POFUT3: variants seen among roughly 807,000 people sequenced by gnomAD.
POFUT3 encodes the protein protein O-fucosyltransferase 3.
chr8:33,335,899 G>T, the POFUT3 span, among the ~76,000 whole-genome samples: 1 of 152,098 alleles, frequency 6.6e-6, no homozygotes, highest in East Asian at 1.9e-4. Context: ...GAATAAGAGG[G>T]GTTGGTCTTG....
chr8:33,394,077 C>T, the POFUT3 span: 1 of 155,492 alleles, frequency 6.4e-6, no homozygotes, highest in South Asian at 1.8e-4. Flanking sequence ...CCCAGATATT[C>T]AGGAGGCTGA....
the POFUT3 span, among the ~76,000 whole-genome samples, chr8:33,328,712 T>C: frequency 6.6e-6 from 1 of 152,182 alleles, no homozygotes; most frequent in Non-Finnish European, 1.5e-5. Context: ...TATTAGCTGG[T>C]GAGTCTTGTG....
At chr8:33,367,975 G>A in the POFUT3 span, among the ~76,000 whole-genome samples, 1 of 152,084 alleles carries the variant, frequency 6.6e-6, no homozygotes, top group Admixed American at 6.6e-5. Flanking sequence ...TGGTAAGCTG[G>A]GTTGGATGAT....
the POFUT3 span, among the ~76,000 whole-genome samples, chr8:33,390,225 C>CACACACAT: frequency 1.3e-5 from 2 of 151,658 alleles, no homozygotes; most frequent in African/African-American, 4.9e-5. Context: ...CACACACACA[C>CACACACAT]ATGAAGCATG....
At chr8:33,351,011 T>C in the POFUT3 span, among the ~76,000 whole-genome samples, 1 of 152,248 alleles carries the variant, frequency 6.6e-6, no homozygotes, top group Non-Finnish European at 1.5e-5. Context: ...AGTCTCACTC[T>C]GTTGCCCAGG....
the POFUT3 span, among the ~76,000 whole-genome samples, chr8:33,319,402 G>C: frequency 7.8e-4 from 20 of 25,780 alleles, no homozygotes; most frequent in East Asian, 9.8e-3. Context: ...TTTATATATA[G>C]TATATATTAT....
At chr8:33,411,607 G>A in the POFUT3 span, among the ~76,000 whole-genome samples, 3 of 152,258 alleles carry the variant, frequency 2.0e-5, no homozygotes, top group East Asian at 5.8e-4. Context: ...GGCCAACGTG[G>A]TGAAACCCCA....
chr8:33,393,209 T>A, the POFUT3 span, among the ~76,000 whole-genome samples: 1 of 152,202 alleles, frequency 6.6e-6, no homozygotes, highest in African/African-American at 2.4e-5. Context: ...AATTAACCTA[T>A]GGTATATCCA....
chr8:33,351,715 AG>A, the POFUT3 span, among the ~76,000 whole-genome samples: 2 of 152,216 alleles, frequency 1.3e-5, no homozygotes, highest in Non-Finnish European at 2.9e-5. Context: ...GCAACACAAA[AG>A]GACTAAAACA....
chr8:33,389,689 T>C, the POFUT3 span: 2 of 1,614,174 alleles, frequency 1.2e-6, no homozygotes, highest in Non-Finnish European at 1.7e-6. Flanking sequence ...AGGTGATCAC[T>C]GGTTTATGAA....
At chr8:33,314,406 A>T in the POFUT3 span, among the ~76,000 whole-genome samples, 1 of 152,210 alleles carries the variant, frequency 6.6e-6, no homozygotes. Flanking sequence ...TCAAAAAGGC[A>T]CTAACAGACA....
At chr8:33,321,999 C>T in the POFUT3 span, among the ~76,000 whole-genome samples, 4 of 152,120 alleles carry the variant, frequency 2.6e-5, no homozygotes, top group African/African-American at 7.2e-5. Context: ...CTCACCACTG[C>T]ATGCTTAATA....
the POFUT3 span, among the ~76,000 whole-genome samples, chr8:33,329,215 T>C: frequency 6.6e-6 from 1 of 152,140 alleles, no homozygotes; most frequent in African/African-American, 2.4e-5. Context: ...ACATGAAAAA[T>C]ATTTAGAAAT....
the POFUT3 span, among the ~76,000 whole-genome samples, chr8:33,383,395 C>A: frequency 3.9e-5 from 6 of 152,180 alleles, no homozygotes; most frequent in Non-Finnish European, 8.8e-5. Context: ...ATTAATATCA[C>A]CTGCTTTATC....
At chr8:33,369,340 C>T in the POFUT3 span, among the ~76,000 whole-genome samples, 1 of 152,054 alleles carries the variant, frequency 6.6e-6, no homozygotes, top group Non-Finnish European at 1.5e-5. Context: ...ATTCTATATC[C>T]CCTTTGAGTT....
the POFUT3 span, among the ~76,000 whole-genome samples, chr8:33,376,025 A>G: frequency 6.6e-6 from 1 of 151,856 alleles, no homozygotes; most frequent in Admixed American, 6.6e-5. Flanking sequence ...TCAAAAAGAA[A>G]AAAAAAAAAC....
At chr8:33,390,600 G>T in the POFUT3 span, among the ~76,000 whole-genome samples, 2 of 147,174 alleles carry the variant, frequency 1.4e-5, no homozygotes, top group Non-Finnish European at 3.0e-5. Context: ...CAGAAGAAAT[G>T]TAGAAGATAG....
At chr8:33,468,967 A>G in the POFUT3 span, among the ~76,000 whole-genome samples, 1 of 152,202 alleles carries the variant, frequency 6.6e-6, no homozygotes, top group African/African-American at 2.4e-5. Context: ...TTTAGAAGAA[A>G]TGTATCTAAT....
chr8:33,387,237 C>T, the POFUT3 span, among the ~76,000 whole-genome samples: 1 of 152,122 alleles, frequency 6.6e-6, no homozygotes, highest in African/African-American at 2.4e-5. Context: ...TGGACCAAGA[C>T]AGTCAGCATA....
Sources: gnomAD v4.1 joint callset for allele counts (sites outside exome capture counted in the v4.1 genomes callset) on GRCh38, gnomAD v4.1.1 for gene constraint, MANE v1.5 for transcripts, NCBI Gene and HGNC (gene_info 2026-07-23, HGNC 2026-07-21) for gene names.